ATRN: variants seen among roughly 807,000 people sequenced by gnomAD.
ATRN encodes the protein attractin-2.
In ATRN, 54 loss-of-function variants were observed where a neutral mutation model predicts 178.7. That is an observed-to-expected ratio of 0.30 (90% CI 0.24 to 0.38). The LOEUF (loss-of-function observed/expected upper bound fraction) is 0.38, where lower values mean the gene tolerates loss of function less well. Among genes scored for constraint, ATRN ranks in the 10% least tolerant of loss-of-function variants. The pLI is 1.00. For missense variants in ATRN, 1,443 were observed against 1,815.1 expected (o/e 0.79, Z 3.73); for synonymous variants, 636 against 663.0 (o/e 0.96, Z 0.63).
Position 3,562,328 on chromosome 20 carries a change from T to C in ATRN, c.1500T>C (p.Gly500=), listed in dbSNP as rs748698763. The change falls in exon 9 of 29, where the codon GGT becomes GGC. Residue 500 remains glycine, a synonymous_variant. Coordinates refer to ENST00000262919, the MANE Select transcript of ATRN (RefSeq NM_139321.3). The part of the protein sequence containing the change: ...LHTQGALVQG[G]YGHSSVYDHR... ...CCCAGGGTGCCCTTGTGCAAGGGGGTTACGGCCATAGCAGTGTTTACGACC... is the reference window on the plus strand; with the variant it reads ...CCCAGGGTGCCCTTGTGCAAGGGGGCTACGGCCATAGCAGTGTTTACGACC... 6.2e-7 allele frequency: 1 copy of C among 1,614,000 alleles called. No individual in the cohort carries two copies. Among genetic ancestry groups the C allele is most frequent in the East Asian group, 2.2e-5 (1 of 44,876 alleles).
At chr20:3,511,251 A>G (rs2085123024) in intron 1 of ATRN, among the ~76,000 whole-genome samples, 1 of 152,202 alleles carries the variant, frequency 6.6e-6, no homozygotes, top group Admixed American at 6.5e-5. Context: ...TTAGTTGAAT[A>G]TAAAACAGGT....
At chr20:3,607,808 G>T (rs1044575147) in intron 24 of ATRN, among the ~76,000 whole-genome samples, 1 of 152,068 alleles carries the variant, frequency 6.6e-6, no homozygotes, top group African/African-American at 2.4e-5. Flanking sequence ...TTCCATAGTG[G>T]CTGTACTAAA....
intron 1 of ATRN, among the ~76,000 whole-genome samples, chr20:3,484,228 G>A: frequency 6.6e-6 from 1 of 150,994 alleles, no homozygotes; most frequent in Admixed American, 6.6e-5. Flanking sequence ...TATCCTGGAT[G>A]ACAGAGAGGG....
intron 1 of ATRN, among the ~76,000 whole-genome samples, chr20:3,506,846 GATCA>G (rs1469838693): frequency 6.6e-6 from 1 of 151,792 alleles, no homozygotes; most frequent in Non-Finnish European, 1.5e-5. Flanking sequence ...TATATAACAA[GATCA>G]ATAATTTCAG....
chr20:3,579,504 C>CA (rs888383064), intron 15 of ATRN, among the ~76,000 whole-genome samples: 25 of 151,668 alleles, frequency 1.6e-4, no homozygotes, highest in African/African-American at 2.9e-4. Flanking sequence ...AAAAGAACAG[C>CA]AAAAAAAAGA....
chr20:3,635,618 A>T (rs1185998539), intron 26 of ATRN, among the ~76,000 whole-genome samples: 1 of 152,100 alleles, frequency 6.6e-6, no homozygotes, highest in African/African-American at 2.4e-5. Context: ...GTATTTATAG[A>T]TAAGATTTAG....
chr20:3,591,396 A>G (rs2086440354), intron 19 of ATRN, 90 bp downstream of exon 19: 16 of 1,459,140 alleles, frequency 1.1e-5, no homozygotes, highest in Non-Finnish European at 1.5e-5. Context: ...GAAAAAAGCC[A>G]CTTTGTTTTG....
intron 3 of ATRN, among the ~76,000 whole-genome samples, chr20:3,544,249 C>T (rs564779617): frequency 2.6e-5 from 4 of 152,182 alleles, no homozygotes; most frequent in East Asian, 1.9e-4. Context: ...TTGTTAGTCC[C>T]GCAGACCTAG....
At chr20:3,594,335 A>C in intron 19 of ATRN, 144 bp from the exon 20 acceptor site, 2 of 539,726 alleles carry the variant, frequency 3.7e-6, no homozygotes, top group Non-Finnish European at 6.6e-6. Context: ...AAAAATCATG[A>C]ATCTTACCCA....
At chr20:3,488,835 C>G (rs1029891613) in intron 1 of ATRN, among the ~76,000 whole-genome samples, 1 of 152,090 alleles carries the variant, frequency 6.6e-6, no homozygotes, top group Non-Finnish European at 1.5e-5. Context: ...TTGAGTCTTC[C>G]GAACCACAAA....
chr20:3,538,500 G>C (rs762361517), intron 2 of ATRN, among the ~76,000 whole-genome samples: 1 of 152,132 alleles, frequency 6.6e-6, no homozygotes. Flanking sequence ...GCTCTAAGGA[G>C]CTCTGCTGTG....
At chr20:3,472,579 C>G (rs1599985859) in intron 1 of ATRN, among the ~76,000 whole-genome samples, 1 of 152,094 alleles carries the variant, frequency 6.6e-6, no homozygotes, top group Admixed American at 6.5e-5. Context: ...TAAATGCTAT[C>G]AAGAAAATAA....
At position 3,560,822 on chromosome 20, in the gene ATRN, A is replaced by C. The variant is rs1181691043; in HGVS notation, c.1364A>C (p.Lys455Thr). Residue 455 changes from lysine to threonine, a missense_variant, in exon 8 of 29, where the codon AAG becomes ACG. Physicochemically the swap from Lys to Thr is moderately conservative, Grantham distance 78. This residue lies in a region of ATRN where 862 missense variants were observed against 972.1 expected (regional missense o/e 0.89). Coordinates refer to ENST00000262919, the MANE Select transcript of ATRN (RefSeq NM_139321.3). ...VGHSAHIVTL[K>T]NGRVVMLVIF... ...CACTCTGCACACATTGTTACACTGAAGAATGGCCGAGTGGTCATGCTGGTC... is the reference window on the plus strand; with the variant it reads ...CACTCTGCACACATTGTTACACTGACGAATGGCCGAGTGGTCATGCTGGTC... 5 of 1,614,088 alleles carry C rather than the reference A, an allele frequency of 3.1e-6. No individual in the cohort carries two copies. In the African/African-American group the frequency reaches 6.7e-5, roughly 22 times the overall value.
At chr20:3,574,918 C>T (rs562997) in intron 12 of ATRN, among the ~76,000 whole-genome samples, 114,058 of 151,608 alleles carry the variant, frequency 0.75, 43,338 homozygotes, top group East Asian at 1. Context: ...GCCATGTCCA[C>T]GAGATGGTTG....
chr20:3,627,586 G>T (rs947141616), intron 25 of ATRN, among the ~76,000 whole-genome samples: 1 of 152,184 alleles, frequency 6.6e-6, no homozygotes, highest in Admixed American at 6.5e-5. Flanking sequence ...AAGGAAAAAA[G>T]AGAGAAGGTA....
chr20:3,525,700 C>T (rs2085354719), intron 1 of ATRN, among the ~76,000 whole-genome samples: 1 of 152,178 alleles, frequency 6.6e-6, no homozygotes, highest in African/African-American at 2.4e-5. Flanking sequence ...AGCTTATCCA[C>T]CACAATCGAG....
rs867370107 is a variant in ATRN, at chr20:3,504,262, C to T, written c.411-30991C>T. 2.6e-5 allele frequency among the ~76,000 whole-genome samples: 4 copies of T among 152,072 alleles called. 1 individual carries two copies. In the South Asian group the frequency reaches 8.3e-4, roughly 32 times the overall value. The stretch of plus-strand genomic sequence containing the variant: ...AAAGAATTTGTTGCTAGCAGAACAA[C>T]CCTTAAAATTGGCTAAAGGAAGTTC... On this transcript the variant is annotated intron_variant, in intron 1 of 28. Transcript: ENST00000262919.
At chr20:3,592,314 T>C (rs1337453636) in intron 19 of ATRN, 3 of 298,816 alleles carry the variant, frequency 1.0e-5, no homozygotes, top group Non-Finnish European at 1.5e-5. Context: ...GCATGAGAAT[T>C]GCTTGAACCT....
chr20:3,539,464 TGAGAAACAGAAA>T (rs36231366), intron 2 of ATRN, among the ~76,000 whole-genome samples: 40,583 of 151,912 alleles, frequency 0.27, 5,972 homozygotes, highest in African/African-American at 0.33. Flanking sequence ...GTCAAATACT[TGAGAAACAGAAA>T]GAGAAACAGA....
Sources: allele counts gnomAD v4.1 joint callset (sites outside exome capture counted in the v4.1 genomes callset), GRCh38; gene constraint gnomAD v4.1.1; regional missense constraint gnomAD v4.1.1; transcripts MANE v1.5; gene names NCBI Gene and HGNC (gene_info 2026-07-23, HGNC 2026-07-21).